HNRNPR: variants seen among roughly 807,000 people sequenced by gnomAD.
HNRNPR encodes heterogeneous nuclear ribonucleoprotein R.
HNRNPR carries 4 observed loss-of-function variants against 70.3 expected under a neutral mutation model. That is an observed-to-expected ratio of 0.06 (90% CI 0.03 to 0.13). The LOEUF (loss-of-function observed/expected upper bound fraction) is 0.13. Among genes scored for constraint, HNRNPR ranks in the 10% least tolerant of loss-of-function variants. HNRNPR has a pLI of 1.00. For missense variants in HNRNPR, 423 were observed against 788.5 expected, an observed-to-expected ratio of 0.54 and a Z score of 5.55; for synonymous variants, 241 against 267.6, an observed-to-expected ratio of 0.90 and a Z score of 0.97.
At chr1:23,322,393 G>A (rs1434191796) in intron 6 of HNRNPR, among the ~76,000 whole-genome samples, 6 of 151,344 alleles carry the variant, frequency 4.0e-5, no homozygotes, top group East Asian at 1.9e-4. Context: ...GCGCCACCAC[G>A]CCCAGCTAAT....
chr1:23,317,598 T>C (rs1003835456), intron 8 of HNRNPR, among the ~76,000 whole-genome samples: 19 of 152,184 alleles, frequency 1.2e-4, no homozygotes, highest in African/African-American at 4.6e-4. Flanking sequence ...TTACAGGACT[T>C]GCCATGCATA....
At chr1:23,334,860 A>G (rs11584129) in intron 4 of HNRNPR, among the ~76,000 whole-genome samples, 4 of 152,188 alleles carry the variant, frequency 2.6e-5, no homozygotes, top group African/African-American at 9.7e-5. Context: ...AAGAAAAGAT[A>G]CAATGGTAAA....
rs75252672 is a variant in HNRNPR at position 23,309,120 on chromosome 1, T to G, written c.*1334A>C. On this transcript the variant is annotated 3_prime_UTR_variant, in exon 11 of 11. Coordinates refer to ENST00000302271, the MANE Select transcript of HNRNPR (RefSeq NM_005826.5). The stretch of plus-strand genomic sequence containing the variant: ...TGTTATGTCTTGGCCAACAAAAAAT[T>G]TGGGCATCAGGGATAGCAGATAAAT... The G allele has an allele frequency of 6.6e-6, 1 of 152,056 alleles. No individual in the cohort carries two copies. Among genetic ancestry groups the G allele is most frequent in the African/African-American group, 2.4e-5 (1 of 41,418 alleles). 9.4% of individuals were successfully genotyped at this position (152,056 alleles called of 1,614,324 possible).
At chr1:23,313,841 T>C (rs1645428950) in intron 8 of HNRNPR, 139 bp from the exon 9 acceptor site, 1 of 965,404 alleles carries the variant, frequency 1.0e-6, no homozygotes, top group Non-Finnish European at 1.5e-6. Context: ...GTAAGAGAAA[T>C]TGCTAGGAAA....
At chr1:23,319,729 CCT>C (rs753551718) in intron 7 of HNRNPR, among the ~76,000 whole-genome samples, 73 of 152,106 alleles carry the variant, frequency 4.8e-4, no homozygotes, top group Non-Finnish European at 4.9e-4. Flanking sequence ...CTACAGAAGC[CCT>C]GCCTACTTCA....
chr1:23,319,006 A>G (rs1338097319), intron 7 of HNRNPR, among the ~76,000 whole-genome samples: 2 of 152,208 alleles, frequency 1.3e-5, no homozygotes, highest in Non-Finnish European at 2.9e-5. Context: ...AAGGATCTTA[A>G]AAACAAAATT....
rs1373964346 is a variant in HNRNPR at position 23,309,663 on chromosome 1, A to C, written c.*791T>G. 4 of 152,648 alleles carry C rather than the reference A, an allele frequency of 2.6e-5. No individual in the cohort carries two copies. Among genetic ancestry groups the C allele is most frequent in the Admixed American group, 6.5e-5 (1 of 15,284 alleles). 9.5% of individuals were successfully genotyped at this position (152,648 alleles called of 1,614,324 possible). On this transcript the variant is annotated 3_prime_UTR_variant, in exon 11 of 11. Transcript: ENST00000302271. Reference sequence around the variant, plus strand: ...TAATATCCACAACACATGTTGGAATAAACAAGAAATTTTGCATGAATTTGA... The same window carrying C: ...TAATATCCACAACACATGTTGGAATCAACAAGAAATTTTGCATGAATTTGA...
intron 2 of HNRNPR, among the ~76,000 whole-genome samples, chr1:23,339,363 G>C (rs934645773): frequency 6.6e-6 from 1 of 152,172 alleles, no homozygotes; most frequent in Non-Finnish European, 1.5e-5. Context: ...TTTTCAAATG[G>C]CAATAAAGAC....
chr1:23,308,293 GGTTT>G lies in HNRNPR; in HGVS notation c.*2157_*2160del, dbSNP rs921613212. The G allele has an allele frequency of 6.6e-6, 1 of 151,804 alleles. No individual in the cohort carries two copies. The highest frequency in any genetic ancestry group is 2.4e-5 in the African/African-American group (1 of 41,334). The allele number at this position is 151,804 out of a possible 1,614,324, so 9.4% of individuals were successfully genotyped here. On this transcript the variant is annotated 3_prime_UTR_variant, in exon 11 of 11. Coordinates refer to ENST00000302271, the MANE Select transcript of HNRNPR (RefSeq NM_005826.5). ...AGTTTTAATCTTATGTTTTTGCGAG[GGTTT>G]GTTTTCTCAGAATCATTTCTATCCC...
chr1:23,315,301 A>AG (rs1645495499), intron 8 of HNRNPR, among the ~76,000 whole-genome samples: 5 of 136,532 alleles, frequency 3.7e-5, no homozygotes, highest in African/African-American at 1.8e-4. Context: ...AAAAAAAAAA[A>AG]AAAACAAAAA....
At chr1:23,321,319 G>A (rs1185301940) in intron 7 of HNRNPR, among the ~76,000 whole-genome samples, 2 of 152,140 alleles carry the variant, frequency 1.3e-5, no homozygotes, top group African/African-American at 2.4e-5. Context: ...GTTCAATTAA[G>A]ACAAAGAAGT....
At chr1:23,315,547 G>T (rs1383484799) in intron 8 of HNRNPR, among the ~76,000 whole-genome samples, 1 of 152,078 alleles carries the variant, frequency 6.6e-6, no homozygotes, top group Non-Finnish European at 1.5e-5. Flanking sequence ...AATTAAGGAA[G>T]TATATCCATA....
chr1:23,328,566 C>G lies in HNRNPR; in HGVS notation c.499-4834G>C, dbSNP rs944426660. Among the ~76,000 whole-genome samples the G allele has an allele frequency of 7.2e-5, 11 of 152,292 alleles. 1 individual carries two copies. The highest frequency in any genetic ancestry group is 6.8e-3 in the Middle Eastern group (2 of 294). ...CCAGGCCGGAGTGCAGTGGCGCCAT[C>G]TCGGCTTACTGCAACCTCCACCTCC... is the stretch of plus-strand genomic sequence containing the variant. On this transcript the variant is annotated intron_variant, in intron 5 of 10. Transcript: ENST00000302271.
Position 23,318,352 on chromosome 1 carries a change from C to T in HNRNPR, c.1017+131G>A, listed in dbSNP as rs1017918391. The T allele has an allele frequency of 2.0e-5, 14 of 717,146 alleles. No homozygotes were observed. Among genetic ancestry groups the T allele is most frequent in the South Asian group, 1.5e-4 (8 of 53,192 alleles). 44.4% of individuals were successfully genotyped at this position (717,146 alleles called of 1,614,324 possible). Reference sequence around the variant, plus strand: ...AGGCTGTTAACTTTAGTGTTAAAGCCGCTCCTTGCCAAACAGTTGAAGTCT... The same window carrying T: ...AGGCTGTTAACTTTAGTGTTAAAGCTGCTCCTTGCCAAACAGTTGAAGTCT... On this transcript the variant is annotated intron_variant, in intron 8 of 10. Coordinates refer to ENST00000302271, the MANE Select transcript of HNRNPR (RefSeq NM_005826.5). The surrounding 1 kb of genome is among the most constrained non-coding windows in gnomAD (Gnocchi z 4.2).
chr1:23,315,960 G>A (rs1018763288), intron 8 of HNRNPR, among the ~76,000 whole-genome samples: 3 of 152,092 alleles, frequency 2.0e-5, no homozygotes, highest in Admixed American at 2.0e-4. Flanking sequence ...AACATACTAT[G>A]TGAAAATTAC....
At chr1:23,319,742 T>C (rs933566803) in intron 7 of HNRNPR, among the ~76,000 whole-genome samples, 2 of 152,226 alleles carry the variant, frequency 1.3e-5, no homozygotes, top group Admixed American at 1.3e-4. Flanking sequence ...GCCTACTTCA[T>C]TTCATACAAC....
intron 2 of HNRNPR, among the ~76,000 whole-genome samples, chr1:23,340,617 G>A (rs1272161809): frequency 6.6e-6 from 1 of 152,114 alleles, no homozygotes; most frequent in Non-Finnish European, 1.5e-5. Flanking sequence ...AAGACAAATC[G>A]ATGTGCTGTT....
At chr1:23,333,662 G>T in intron 4 of HNRNPR, 31 bp from the exon 5 acceptor site, 1 of 1,254,458 alleles carries the variant, frequency 8.0e-7, no homozygotes, top group Non-Finnish European at 1.2e-6. Flanking sequence ...CTTTATACTT[G>T]AGTACTAAAT....
Position 23,304,883 on chromosome 1 carries a change from C to T in HNRNPR, c.*5571G>A, listed in dbSNP as rs1645180816. 1 of 152,106 alleles carries T rather than the reference C, an allele frequency of 6.6e-6. No homozygotes were observed. Among genetic ancestry groups the T allele is most frequent in the Admixed American group, 6.5e-5 (1 of 15,274 alleles). The allele number at this position is 152,106 out of a possible 1,614,324, so 9.4% of individuals were successfully genotyped here. On this transcript the variant is annotated 3_prime_UTR_variant, in exon 11 of 11. Coordinates refer to ENST00000302271, the MANE Select transcript of HNRNPR (RefSeq NM_005826.5). ...TATCAGCAATTTATGTTTGCAGGAG[C>T]CTTCAGTCCAATTATAGAAATAGTC...
Sources: allele counts gnomAD v4.1 joint callset (sites outside exome capture counted in the v4.1 genomes callset), GRCh38; gene constraint gnomAD v4.1.1; non-coding constraint Gnocchi (gnomAD v3.1); transcripts MANE v1.5; gene names NCBI Gene and HGNC (gene_info 2026-07-23, HGNC 2026-07-21).